Variants in SGK3 observed in about 807,000 individuals in gnomAD.
SGK3 encodes the protein serum/glucocorticoid regulated kinase family member 3.
Under a neutral mutation model 68.5 loss-of-function variants are expected in SGK3, and 47 were observed. That is an observed-to-expected ratio of 0.69 (90% CI 0.54 to 0.87). The LOEUF is 0.87. Ranked by LOEUF, SGK3 falls within the 40% of genes least tolerant of loss-of-function variation. SGK3 has a pLI of 0.00. For synonymous variants in SGK3, 181 were observed against 189.1 expected, an observed-to-expected ratio of 0.96 and a Z score of 0.35; for missense variants, 479 against 575.5, an observed-to-expected ratio of 0.83 and a Z score of 1.72.
At chr8:66,809,267 G>A (rs1303100479) in intron 4 of SGK3, among the ~76,000 whole-genome samples, 2 of 152,152 alleles carry the variant, frequency 1.3e-5, no homozygotes, top group African/African-American at 4.8e-5. Context: ...CATTCAGATT[G>A]TGATCTCTAA....
At chr8:66,817,601 C>G (rs1040015504) in intron 5 of SGK3, among the ~76,000 whole-genome samples, 2 of 151,920 alleles carry the variant, frequency 1.3e-5, no homozygotes, top group South Asian at 2.1e-4. Context: ...TATCTCCCCC[C>G]TCGGCCTCCT....
In SGK3 at chr8:66,759,314, A is replaced by G. The variant is rs1017331088; in HGVS notation, c.-121-34302A>G. ...TGGCCAGGCTGGTCTCGAACTCCTG[A>G]CCTCACGCGATCCGCCCACCTCGCC... On this transcript the variant is annotated intron_variant, in intron 1 of 16. Coordinates refer to ENST00000521198, the MANE Select transcript of SGK3 (RefSeq NM_001033578.3). Among the ~76,000 whole-genome samples, 10 of 151,218 alleles carry G rather than the reference A, an allele frequency of 6.6e-5. No homozygotes were observed. The South Asian group carries it at 2.1e-3, about 32-fold the overall frequency.
At position 66,822,317 on chromosome 8, in the gene SGK3, A is replaced by G. The variant is rs1808872904; in HGVS notation, c.330-55A>G. Reference sequence around the variant, plus strand: ...TATTTTGATTTTCATTTTAAAAGGGAGAAAGGCTGTAGAAATGCTTTTGAA... The same window carrying G: ...TATTTTGATTTTCATTTTAAAAGGGGGAAAGGCTGTAGAAATGCTTTTGAA... On this transcript the variant is annotated intron_variant, in intron 5 of 16. Coordinates refer to ENST00000521198, the MANE Select transcript of SGK3 (RefSeq NM_001033578.3). The G allele has an allele frequency of 3.3e-6, 5 of 1,502,496 alleles. No individual in the cohort carries two copies. The South Asian group carries it at 5.2e-5, about 16-fold the overall frequency. 93.1% of individuals were successfully genotyped at this position (1,502,496 alleles called of 1,614,324 possible). A position where few individuals can be genotyped will look rare whatever the true frequency, so the allele number is the denominator to read the frequency against.
chr8:66,779,200 A>C (rs1806849547), intron 1 of SGK3, among the ~76,000 whole-genome samples: 1 of 152,168 alleles, frequency 6.6e-6, no homozygotes, highest in Non-Finnish European at 1.5e-5. Context: ...GTTGAAGTTT[A>C]TAGTTTTACT....
chr8:66,807,389 C>G (rs1196737703), intron 4 of SGK3, among the ~76,000 whole-genome samples: 1 of 152,180 alleles, frequency 6.6e-6, no homozygotes, highest in African/African-American at 2.4e-5. Flanking sequence ...AAGTAAAAGA[C>G]TGGCAACATT....
rs59371496 is a variant in SGK3 at position 66,845,693 on chromosome 8, CTTATTTATTTAT to C, written c.1075-1467_1075-1456del. Among the ~76,000 whole-genome samples, 1,367 of 139,832 alleles carry C rather than the reference CTTATTTATTTAT, an allele frequency of 9.8e-3. 25 individuals are homozygous for C. Among genetic ancestry groups the C allele is most frequent in the African/African-American group, 0.032 (1,225 of 37,810 alleles). 91.7% of individuals were successfully genotyped at this position (139,832 alleles called of 152,430 possible). ...GGCATGCACCACCCCACCTAGCTTG[CTTATTTATTTAT>C]TTATTTATTTATTTATTTATTTATT... is the stretch of plus-strand genomic sequence containing the variant. On this transcript the variant is annotated intron_variant, in intron 14 of 16. Transcript: ENST00000521198.
chr8:66,836,194 T>G, intron 10 of SGK3, 120 bp downstream of exon 10: 1 of 1,285,894 alleles, frequency 7.8e-7, no homozygotes, highest in Non-Finnish European at 1.1e-6. Context: ...AGCAATAATA[T>G]TCAAGGTACT....
chr8:66,787,224 G>A (rs1807245602), intron 1 of SGK3, among the ~76,000 whole-genome samples: 2 of 152,094 alleles, frequency 1.3e-5, no homozygotes, highest in African/African-American at 4.8e-5. Flanking sequence ...TTACAGGCGT[G>A]AACCACTGTG....
chr8:66,715,161 G>A (rs910214245), intron 1 of SGK3, among the ~76,000 whole-genome samples: 1 of 151,994 alleles, frequency 6.6e-6, no homozygotes. Flanking sequence ...AAATAGGTTG[G>A]GTATTTTTTT....
rs549257234 is a variant in SGK3, at chr8:66,820,778, A to T, written c.330-1594A>T. Among the ~76,000 whole-genome samples the T allele has an allele frequency of 3.9e-5, 6 of 152,290 alleles. No individual in the cohort carries two copies. In the South Asian group the frequency reaches 1.2e-3, roughly 32 times the overall value. ...GAATGCAGGGGTGCAATCTTGGTTC[A>T]CTGCAGCCTCAGCCTCCTGGGCTCT... On this transcript the variant is annotated intron_variant, in intron 5 of 16. Transcript: ENST00000521198.
At chr8:66,718,539 T>G (rs565453496) in intron 1 of SGK3, among the ~76,000 whole-genome samples, 1 of 151,676 alleles carries the variant, frequency 6.6e-6, no homozygotes, top group South Asian at 2.1e-4. Flanking sequence ...GTTTCGTTTG[T>G]TTTTTTTGAG....
At chr8:66,739,128 G>T (rs1161668137) in intron 1 of SGK3, among the ~76,000 whole-genome samples, 1 of 152,178 alleles carries the variant, frequency 6.6e-6, no homozygotes, top group Non-Finnish European at 1.5e-5. Context: ...AAAGAAAAGA[G>T]AAACCTCTTT....
intron 8 of SGK3, among the ~76,000 whole-genome samples, chr8:66,832,179 GGT>G (rs1388316794): frequency 1.4e-4 from 21 of 152,064 alleles, no homozygotes; most frequent in Admixed American, 1.3e-4. Context: ...ATTTTCTTAT[GGT>G]GTCAGATGAA....
At chr8:66,725,782 ATACTG>A (rs1804969643) in intron 1 of SGK3, among the ~76,000 whole-genome samples, 1 of 152,122 alleles carries the variant, frequency 6.6e-6, no homozygotes, top group African/African-American at 2.4e-5. Flanking sequence ...GGAAATTCTC[ATACTG>A]CAAATACAGC....
chr8:66,848,036 C>T (rs1810106906), intron 15 of SGK3, among the ~76,000 whole-genome samples: 1 of 152,024 alleles, frequency 6.6e-6, no homozygotes, highest in African/African-American at 2.4e-5. Flanking sequence ...TTTTGAACTG[C>T]TTTCTCAGAT....
intron 1 of SGK3, among the ~76,000 whole-genome samples, chr8:66,750,442 A>G (rs1805780073): frequency 6.6e-6 from 1 of 152,044 alleles, no homozygotes; most frequent in South Asian, 2.1e-4. Flanking sequence ...CCCTCAAAGA[A>G]TGTAGAGTTT....
chr8:66,850,809 C>G, intron 15 of SGK3, 22 bp from the exon 16 acceptor site: 1 of 1,577,276 alleles, frequency 6.3e-7, no homozygotes, highest in Non-Finnish European at 8.6e-7. Context: ...ATTAGTAAAA[C>G]AAATTTTTTT....
intron 1 of SGK3, among the ~76,000 whole-genome samples, chr8:66,783,223 G>A (rs1427641785): frequency 6.6e-6 from 1 of 152,208 alleles, no homozygotes; most frequent in Non-Finnish European, 1.5e-5. Flanking sequence ...GTGACATGAT[G>A]TGGAATATGC....
At chr8:66,784,572 T>C (rs912345774) in intron 1 of SGK3, among the ~76,000 whole-genome samples, 2 of 152,256 alleles carry the variant, frequency 1.3e-5, no homozygotes, top group South Asian at 4.1e-4. Flanking sequence ...AGCAGAAGAA[T>C]CTTTTGACTT....
Sources: allele counts gnomAD v4.1 joint callset (sites outside exome capture counted in the v4.1 genomes callset), GRCh38; gene constraint gnomAD v4.1.1; transcripts MANE v1.5; gene names NCBI Gene and HGNC (gene_info 2026-07-23, HGNC 2026-07-21).